CA8: variants seen among roughly 807,000 people sequenced by gnomAD.
CA8 encodes carbonic anhydrase 8 (inactive).
CA8 carries 22 observed loss-of-function variants against 41.4 expected under a neutral mutation model. The observed-to-expected ratio is 0.53, with a 90% CI of 0.38 to 0.76. The LOEUF is 0.76. Ranked by LOEUF, CA8 falls within the 30% of genes least tolerant of loss-of-function variation. CA8 has a pLI of 0.00. For missense variants in CA8, 270 were observed against 352.8 expected (o/e 0.77, Z 1.88); for synonymous variants, 121 against 130.6 (o/e 0.93, Z 0.50).
chr8:60,251,911 T>C (rs1232376565), intron 3 of CA8, among the ~76,000 whole-genome samples: 1 of 152,188 alleles, frequency 6.6e-6, no homozygotes, highest in Non-Finnish European at 1.5e-5. Flanking sequence ...TTCATATCAG[T>C]AATGCCAGTA....
chr8:60,225,749 C>G (rs890954440), intron 5 of CA8, among the ~76,000 whole-genome samples: 3 of 152,166 alleles, frequency 2.0e-5, no homozygotes, highest in Non-Finnish European at 2.9e-5. Flanking sequence ...TCCAGCAGCC[C>G]TACAAGACTA....
In CA8 at chr8:60,185,738, T is replaced by C. The variant is rs1805946370; in HGVS notation, c.*4283A>G. ...AAGAAGGTAAAATAAAGATAGCCCA[T>C]ATAAACAAAAACTAAAGATTTGTCC... is the stretch of plus-strand genomic sequence containing the variant. On this transcript the variant is annotated 3_prime_UTR_variant, in exon 9 of 9. Coordinates refer to ENST00000317995, the MANE Select transcript of CA8 (RefSeq NM_004056.6). 6.6e-6 allele frequency among the ~76,000 whole-genome samples: 1 copy of C among 151,912 alleles called. No individual in the cohort carries two copies. The highest frequency in any genetic ancestry group is 1.5e-5 in the Non-Finnish European group (1 of 67,980).
chr8:60,211,195 T>C (rs1806823457), intron 7 of CA8, among the ~76,000 whole-genome samples: 1 of 152,220 alleles, frequency 6.6e-6, no homozygotes, highest in African/African-American at 2.4e-5. Context: ...AGAACATTCA[T>C]GAAAATCACT....
At chr8:60,261,849 C>T (rs1803743396) in intron 3 of CA8, among the ~76,000 whole-genome samples, 1 of 151,966 alleles carries the variant, frequency 6.6e-6, no homozygotes, top group African/African-American at 2.4e-5. Flanking sequence ...GTAGCTGGGA[C>T]TACAGGCGCC....
rs192721847 is a variant in CA8 at position 60,250,586 on chromosome 8, T to C, written c.417+15339A>G. 5.9e-5 allele frequency among the ~76,000 whole-genome samples: 9 copies of C among 152,352 alleles called. No homozygotes were observed. In the East Asian group the frequency reaches 1.7e-3, roughly 29 times the overall value. Reference sequence around the variant, plus strand: ...CGTCATCTGAATGTCAGATCTGATTTTTAGCCATGATTTCCTAAAGGGCAT... The same window carrying C: ...CGTCATCTGAATGTCAGATCTGATTCTTAGCCATGATTTCCTAAAGGGCAT... On this transcript the variant is annotated intron_variant, in intron 3 of 8. Coordinates refer to ENST00000317995, the MANE Select transcript of CA8 (RefSeq NM_004056.6).
intron 8 of CA8, 177 bp downstream of exon 8, chr8:60,208,573 A>C (rs1806722001): frequency 1.6e-6 from 1 of 623,134 alleles, no homozygotes. Flanking sequence ...TACTGCATAA[A>C]ATTAAAATAC....
intron 7 of CA8, among the ~76,000 whole-genome samples, chr8:60,212,227 A>G (rs962594729): frequency 1.3e-5 from 2 of 152,224 alleles, no homozygotes; most frequent in Non-Finnish European, 2.9e-5. Context: ...TTATCCACTA[A>G]AAGTTCAGCT....
chr8:60,227,854 G>A (rs1236379723), intron 4 of CA8, among the ~76,000 whole-genome samples: 1 of 151,898 alleles, frequency 6.6e-6, no homozygotes, highest in Admixed American at 6.6e-5. Context: ...CCAAAAAATG[G>A]AGACAAAAAA....
At chr8:60,219,904 C>G (rs1389469399) in intron 7 of CA8, among the ~76,000 whole-genome samples, 1 of 139,516 alleles carries the variant, frequency 7.2e-6, no homozygotes, top group Non-Finnish European at 1.5e-5. Context: ...CCTACAAAAC[C>G]TCTAGTATTT....
intron 3 of CA8, among the ~76,000 whole-genome samples, chr8:60,252,707 T>G (rs1808495346): frequency 6.6e-6 from 1 of 152,202 alleles, no homozygotes; most frequent in Admixed American, 6.5e-5. Context: ...AATATTCCAG[T>G]GAGCATTTCT....
chr8:60,201,304 C>T (rs1585844720), intron 8 of CA8, among the ~76,000 whole-genome samples: 1 of 152,294 alleles, frequency 6.6e-6, no homozygotes, highest in East Asian at 1.9e-4. Flanking sequence ...GTAAATGAGT[C>T]ATGTGTTGTT....
At chr8:60,209,698 T>TAGCCCTCTGGAGAGC (rs1359232239) in intron 7 of CA8, among the ~76,000 whole-genome samples, 6 of 151,620 alleles carry the variant, frequency 4.0e-5, no homozygotes, top group Non-Finnish European at 8.8e-5. Flanking sequence ...GCCACTTTTC[T>TAGCCCTCTGGAGAGC]AGCCCTCTGG....
chr8:60,256,235 T>G (rs1808633168), intron 3 of CA8, among the ~76,000 whole-genome samples: 1 of 152,174 alleles, frequency 6.6e-6, no homozygotes, highest in African/African-American at 2.4e-5. Context: ...TATAGTCTCT[T>G]CCTGAGTTGT....
At chr8:60,221,119 C>A (rs1807229406) in intron 7 of CA8, among the ~76,000 whole-genome samples, 1 of 152,188 alleles carries the variant, frequency 6.6e-6, no homozygotes, top group African/African-American at 2.4e-5. Context: ...AGTCCCAAAT[C>A]TAGATATCGT....
At chr8:60,257,915 G>T (rs1433907474) in intron 3 of CA8, among the ~76,000 whole-genome samples, 1 of 152,184 alleles carries the variant, frequency 6.6e-6, no homozygotes, top group Non-Finnish European at 1.5e-5. Flanking sequence ...AGGTGAGTGA[G>T]GTCTTTTCAA....
intron 2 of CA8, among the ~76,000 whole-genome samples, chr8:60,270,299 C>A (rs1804028236): frequency 6.6e-6 from 1 of 152,196 alleles, no homozygotes. Context: ...GGAGATGAAG[C>A]CTGCAGAGCC....
intron 2 of CA8, among the ~76,000 whole-genome samples, chr8:60,275,215 C>A (rs995259065): frequency 1.3e-5 from 2 of 152,190 alleles, no homozygotes; most frequent in African/African-American, 4.8e-5. Flanking sequence ...TGAAGCCCAA[C>A]AGCCCTCAAT....
At chr8:60,256,064 T>C (rs6983830) in intron 3 of CA8, among the ~76,000 whole-genome samples, 76,404 of 151,354 alleles carry the variant, frequency 0.5, 21,270 homozygotes, top group African/African-American at 0.76. Context: ...CGTGCCTATA[T>C]GCCCGGCTAA....
At chr8:60,260,445 T>A (rs915583266) in intron 3 of CA8, among the ~76,000 whole-genome samples, 1 of 152,134 alleles carries the variant, frequency 6.6e-6, no homozygotes, top group Non-Finnish European at 1.5e-5. Flanking sequence ...CTTCTGAATG[T>A]GGGGTGCTTA....
Sources: allele counts gnomAD v4.1 joint callset (sites outside exome capture counted in the v4.1 genomes callset), GRCh38; gene constraint gnomAD v4.1.1; transcripts MANE v1.5; gene names NCBI Gene and HGNC (gene_info 2026-07-23, HGNC 2026-07-21).